ZC3HAV1: variants seen among roughly 807,000 people sequenced by gnomAD.
ZC3HAV1 encodes zinc finger CCCH-type containing, antiviral 1.
In ZC3HAV1, 41 loss-of-function variants were observed where a neutral mutation model predicts 86.6. The ratio of observed to expected loss-of-function variants is 0.47; its 90% CI spans 0.37 to 0.61. ZC3HAV1 has a LOEUF of 0.61. Ranked by LOEUF, ZC3HAV1 falls within the 20% of genes least tolerant of loss-of-function variation. ZC3HAV1 has a pLI of 0.00. For synonymous variants in ZC3HAV1, 421 were observed against 432.1 expected (o/e 0.97, Z 0.32); for missense variants, 964 against 1,141.1 (o/e 0.84, Z 2.24).
intron 7 of ZC3HAV1, among the ~76,000 whole-genome samples, chr7:139,073,622 C>T (rs1816845873): frequency 1.3e-5 from 2 of 152,058 alleles, no homozygotes; most frequent in Admixed American, 6.5e-5. Context: ...TCCAGAGTAG[C>T]GGGGATTATA....
In ZC3HAV1 at chr7:139,076,289, T is replaced by C. The variant is rs571328030; in HGVS notation, c.1694A>G (p.His565Arg). 1 of 1,614,170 alleles carries C rather than the reference T, an allele frequency of 6.2e-7. No homozygotes were observed. The highest frequency in any genetic ancestry group is 1.3e-5 in the African/African-American group (1 of 75,040). ...CAGAGTACAGCCACCAACTTACAGG[T>C]GGATTCCGGGGTTACAGTAGCCTTT... ...IEKGYCNPGI[H>R]LCSVGSYTIN... The change falls in exon 6 of 13, where the codon CAC becomes CGC. Residue 565 changes from histidine to arginine, a missense_variant. His to Arg is a conservative substitution (Grantham distance 29, BLOSUM62 0). Transcript: ENST00000242351.
In ZC3HAV1 at chr7:139,102,004, TA is replaced by T. The variant is rs34657510; in HGVS notation, c.308+7019del. 2.0e-3 allele frequency among the ~76,000 whole-genome samples: 260 copies of T among 130,260 alleles called. 2 individuals are homozygous for T. Among genetic ancestry groups the T allele is most frequent in the Middle Eastern group, 8.3e-3 (2 of 240 alleles). 85.5% of individuals were successfully genotyped at this position (130,260 alleles called of 152,430 possible). A position where few individuals can be genotyped will look rare whatever the true frequency, so the allele number is the denominator to read the frequency against. On this transcript the variant is annotated intron_variant, in intron 1 of 12. Coordinates refer to ENST00000242351, the MANE Select transcript of ZC3HAV1 (RefSeq NM_020119.4). Reference sequence around the variant, plus strand: ...GTGAGAAACACCCAAGAATGATCAATAAAAAAAAAAAAAAATCAAAATTCCA... The same window carrying T: ...GTGAGAAACACCCAAGAATGATCAATAAAAAAAAAAAAAATCAAAATTCCA...
chr7:139,067,382 C>T (rs1284402277), intron 7 of ZC3HAV1, among the ~76,000 whole-genome samples: 1 of 152,174 alleles, frequency 6.6e-6, no homozygotes, highest in Non-Finnish European at 1.5e-5. Context: ...AACTCCTGAC[C>T]TCAGGTGATC....
chr7:139,079,725 G>C lies in ZC3HAV1; in HGVS notation c.1216C>G (p.Leu406Val). ...AVTTRKGTGL[L>V]SSDYRIINGK... ...TTGATGATCCTGTAGTCTGAGGAAAGCAAGCCTGTGCCCTTTCTGGTGGTC... is the reference window on the plus strand; with the variant it reads ...TTGATGATCCTGTAGTCTGAGGAAACCAAGCCTGTGCCCTTTCTGGTGGTC... The change falls in exon 4 of 13, where the codon CTT (leucine) becomes GTT (valine). Residue 406 changes from leucine to valine, a missense_variant. Transcript: ENST00000242351. The C allele has an allele frequency of 3.1e-6, 5 of 1,614,208 alleles. No individual in the cohort carries two copies. The highest frequency in any genetic ancestry group is 4.2e-6 in the Non-Finnish European group (5 of 1,180,036).
At chr7:139,095,534 AC>A (rs1438767637) in intron 1 of ZC3HAV1, among the ~76,000 whole-genome samples, 2 of 152,232 alleles carry the variant, frequency 1.3e-5, no homozygotes, top group African/African-American at 2.4e-5. Context: ...GGCTGCAGCC[AC>A]GGCAAGCCAC....
rs1433369854 is a variant in ZC3HAV1 at position 139,046,892 on chromosome 7, A to G, written c.*702T>C. 1 of 152,226 alleles carries G rather than the reference A, an allele frequency of 6.6e-6. No individual in the cohort carries two copies. Among genetic ancestry groups the G allele is most frequent in the African/African-American group, 2.4e-5 (1 of 41,460 alleles). 9.4% of individuals were successfully genotyped at this position (152,226 alleles called of 1,614,324 possible). On this transcript the variant is annotated 3_prime_UTR_variant, in exon 13 of 13. Coordinates refer to ENST00000242351, the MANE Select transcript of ZC3HAV1 (RefSeq NM_020119.4). ...CTTTCAATGTAACCAAAACAAAACC[A>G]TGGCATACAGTAAACTAAAAGGGTA...
intron 1 of ZC3HAV1, among the ~76,000 whole-genome samples, chr7:139,099,558 T>C (rs1253871193): frequency 6.6e-6 from 1 of 152,242 alleles, no homozygotes; most frequent in Non-Finnish European, 1.5e-5. Context: ...GACTGGTTCC[T>C]GATGGTTGTG....
intron 1 of ZC3HAV1, among the ~76,000 whole-genome samples, chr7:139,093,038 G>T (rs989253386): frequency 6.6e-6 from 1 of 152,112 alleles, no homozygotes; most frequent in Non-Finnish European, 1.5e-5. Flanking sequence ...TTCTACTTGG[G>T]TTAATTACAG....
At chr7:139,056,056 A>G (rs1816272074) in intron 9 of ZC3HAV1, among the ~76,000 whole-genome samples, 1 of 152,226 alleles carries the variant, frequency 6.6e-6, no homozygotes, top group South Asian at 2.1e-4. Context: ...ATTGTATAGC[A>G]TACTTGACTC....
intron 9 of ZC3HAV1, chr7:139,060,496 C>T (rs1816410686): frequency 1.0e-6 from 1 of 992,246 alleles, no homozygotes; most frequent in African/African-American, 1.7e-5. Flanking sequence ...ATCTCTTTCT[C>T]CGCCCCTCAT....
At chr7:139,065,072 T>A (rs995667943) in intron 7 of ZC3HAV1, 73 bp from the exon 8 acceptor site, 186 of 1,588,032 alleles carry the variant, frequency 1.2e-4, no homozygotes, top group Non-Finnish European at 1.6e-4. Flanking sequence ...ATGATTTCGT[T>A]TTAGCAATGA....
In ZC3HAV1 at chr7:139,108,735, C is replaced by A. The variant is rs868356536; in HGVS notation, c.308+289G>T. 6.7e-6 allele frequency among the ~76,000 whole-genome samples: 1 copy of A among 148,406 alleles called. No individual in the cohort carries two copies. Among genetic ancestry groups the A allele is most frequent in the South Asian group, 2.3e-4 (1 of 4,394 alleles). ...GAGCACTTTATTCTTCTGATTCGTG[C>A]GGGCGGGCGGGGAAAGGGGTGGAGG... is the stretch of plus-strand genomic sequence containing the variant. On this transcript the variant is annotated intron_variant, in intron 1 of 12. Coordinates refer to ENST00000242351, the MANE Select transcript of ZC3HAV1 (RefSeq NM_020119.4). The surrounding 1 kb of genome is among the most constrained non-coding windows in gnomAD (Gnocchi z 4.2).
intron 1 of ZC3HAV1, among the ~76,000 whole-genome samples, chr7:139,101,024 T>G (rs1817742640): frequency 6.6e-6 from 1 of 152,236 alleles, no homozygotes; most frequent in Non-Finnish European, 1.5e-5. Context: ...CGTATTTTTT[T>G]GGTGGAGACG....
At chr7:139,097,416 A>ATTT (rs1368279713) in intron 1 of ZC3HAV1, among the ~76,000 whole-genome samples, 18 of 77,172 alleles carry the variant, frequency 2.3e-4, no homozygotes, top group Non-Finnish European at 3.6e-4. Context: ...ATATATATAT[A>ATTT]TATATATATA....
chr7:139,066,415 G>A lies in ZC3HAV1; in HGVS notation c.1873-1416C>T, dbSNP rs1816609615. Among the ~76,000 whole-genome samples the A allele has an allele frequency of 2.0e-5, 3 of 152,242 alleles. 1 individual carries two copies. The highest frequency in any genetic ancestry group is 3.4e-3 in the Middle Eastern group (1 of 294). On this transcript the variant is annotated intron_variant, in intron 7 of 12. Coordinates refer to ENST00000242351, the MANE Select transcript of ZC3HAV1 (RefSeq NM_020119.4). ...CTTTATCCTGGAGTGCAGCATGGTG[G>A]GAGCAGAAAGCAGTGTTCAAATATT...
intron 7 of ZC3HAV1, 118 bp from the exon 8 acceptor site, chr7:139,065,117 A>G (rs991104179): frequency 2.2e-6 from 3 of 1,338,238 alleles, no homozygotes; most frequent in Admixed American, 4.5e-5. Context: ...TTCCCAAACC[A>G]GATTGTAAAA....
At chr7:139,087,096 C>T (rs1817291535) in intron 2 of ZC3HAV1, among the ~76,000 whole-genome samples, 1 of 152,140 alleles carries the variant, frequency 6.6e-6, no homozygotes, top group South Asian at 2.1e-4. Flanking sequence ...GATGAATGGC[C>T]TTTCTAAGCC....
At chr7:139,092,743 C>T (rs772551907) in intron 1 of ZC3HAV1, among the ~76,000 whole-genome samples, 2 of 152,218 alleles carry the variant, frequency 1.3e-5, no homozygotes, top group Non-Finnish European at 2.9e-5. Context: ...GGCTGGGGTC[C>T]GTGGTGCTGC....
intron 9 of ZC3HAV1, among the ~76,000 whole-genome samples, chr7:139,060,106 C>A (rs1294162828): frequency 6.6e-6 from 1 of 152,214 alleles, no homozygotes; most frequent in Non-Finnish European, 1.5e-5. Flanking sequence ...TAGGAAGCAA[C>A]TCCCCTTCCT....
Sources: gnomAD v4.1 joint callset for allele counts (sites outside exome capture counted in the v4.1 genomes callset) on GRCh38, gnomAD v4.1.1 for gene constraint, Gnocchi (gnomAD v3.1) non-coding constraint, MANE v1.5 for transcripts, NCBI Gene and HGNC (gene_info 2026-07-23, HGNC 2026-07-21) for gene names.